Variants in CABCOCO1 observed in about 807,000 individuals in gnomAD.
The protein encoded by CABCOCO1 is ciliary-associated calcium-binding coiled-coil protein 1.
Under a neutral mutation model 35.7 loss-of-function variants are expected in CABCOCO1, and 28 were observed. The observed-to-expected ratio is 0.78, with a 90% CI of 0.58 to 1.07. CABCOCO1 has a LOEUF of 1.07. Ranked by LOEUF, CABCOCO1 falls within the 50% of genes least tolerant of loss-of-function variation. The pLI is 0.00. For missense variants in CABCOCO1, 326 were observed against 309.2 expected, an observed-to-expected ratio of 1.05 and a Z score of -0.41; for synonymous variants, 95 against 100.1, an observed-to-expected ratio of 0.95 and a Z score of 0.30.
At chr10:61,689,889 C>T (rs1414345883) in intron 4 of CABCOCO1, among the ~76,000 whole-genome samples, 2 of 151,996 alleles carry the variant, frequency 1.3e-5, no homozygotes, top group African/African-American at 4.8e-5. Context: ...TTTTAAGGAC[C>T]TCCTATCCTT....
chr10:61,698,484 A>C (rs796160800), intron 5 of CABCOCO1, among the ~76,000 whole-genome samples: 6 of 152,248 alleles, frequency 3.9e-5, no homozygotes, highest in African/African-American at 1.4e-4. Flanking sequence ...TATTTAAAGA[A>C]AATCATAAAT....
At chr10:61,669,345 A>G (rs1007036504) in intron 1 of CABCOCO1, among the ~76,000 whole-genome samples, 1 of 152,052 alleles carries the variant, frequency 6.6e-6, no homozygotes, top group Non-Finnish European at 1.5e-5. Context: ...CTTAAAATCC[A>G]CCAGGTGGTG....
chr10:61,707,597 CG>C (rs1048119722), intron 5 of CABCOCO1, among the ~76,000 whole-genome samples: 17 of 152,028 alleles, frequency 1.1e-4, no homozygotes, highest in African/African-American at 4.1e-4. Flanking sequence ...TAATCAGAGG[CG>C]TGAGATGCTT....
chr10:61,681,059 A>ATTTTCATT, intron 2 of CABCOCO1, 84 bp from the exon 3 acceptor site: 9 of 856,890 alleles, frequency 1.1e-5, no homozygotes, highest in Non-Finnish European at 1.4e-5. Flanking sequence ...GCATTAAAGA[A>ATTTTCATT]AAAGACCTGT....
chr10:61,686,153 A>G lies in CABCOCO1; in HGVS notation c.447A>G (p.Gln149=). 2 of 1,586,658 alleles carry G rather than the reference A, an allele frequency of 1.3e-6. No homozygotes were observed. Among genetic ancestry groups the G allele is most frequent in the South Asian group, 2.3e-5 (2 of 85,240 alleles). Residue 149 remains glutamine (Q), a synonymous_variant, in exon 4 of 8, where the codon CAA becomes CAG. Transcript: ENST00000648843. ...SEDWNIFDVK[Q]ANAIIDYLKI... is the part of the protein sequence containing the mutation. ...ACTGGAATATCTTTGATGTAAAACA[A>G]GCCAATGCTATCATTGATTACTTAA...
intron 5 of CABCOCO1, among the ~76,000 whole-genome samples, chr10:61,716,577 T>A (rs1412384715): frequency 6.6e-6 from 1 of 152,154 alleles, no homozygotes; most frequent in African/African-American, 2.4e-5. Flanking sequence ...ACCCCTAAAC[T>A]GAAAATAGCT....
At chr10:61,682,647 CTT>C (rs1564533816) in intron 3 of CABCOCO1, among the ~76,000 whole-genome samples, 1 of 152,144 alleles carries the variant, frequency 6.6e-6, no homozygotes, top group Non-Finnish European at 1.5e-5. Context: ...TGTAGATTAA[CTT>C]ATGCCAGTCA....
intron 5 of CABCOCO1, among the ~76,000 whole-genome samples, chr10:61,748,462 C>G (rs543119419): frequency 6.6e-6 from 1 of 152,114 alleles, no homozygotes; most frequent in African/African-American, 2.4e-5. Flanking sequence ...TTTCTACATG[C>G]CAGGCACTGT....
intron 2 of CABCOCO1, among the ~76,000 whole-genome samples, chr10:61,679,767 G>C (rs778929526): frequency 6.6e-5 from 10 of 152,056 alleles, no homozygotes; most frequent in Non-Finnish European, 1.0e-4. Context: ...AAACACATCA[G>C]AAAGATATAA....
intron 5 of CABCOCO1, among the ~76,000 whole-genome samples, chr10:61,724,591 C>T (rs1168530939): frequency 6.6e-6 from 1 of 152,116 alleles, no homozygotes; most frequent in Non-Finnish European, 1.5e-5. Flanking sequence ...TATGAGTGAA[C>T]ATTCATAATT....
chr10:61,746,451 A>G lies in CABCOCO1; in HGVS notation c.553-13608A>G, dbSNP rs551087883. On this transcript the variant is annotated intron_variant, in intron 5 of 7. Coordinates refer to ENST00000648843, the MANE Select transcript of CABCOCO1 (RefSeq NM_001366906.2). ...GAATGTTTATGAAAAAAACATGCTT[A>G]TATATTCTGAATGGCTGTAATCTAT... Among the ~76,000 whole-genome samples, 11 of 152,282 alleles carry G rather than the reference A, an allele frequency of 7.2e-5. No homozygotes were observed. The South Asian group carries it at 2.1e-3, about 29-fold the overall frequency.
chr10:61,718,760 TTATC>T (rs1840927520), intron 5 of CABCOCO1, among the ~76,000 whole-genome samples: 1 of 152,160 alleles, frequency 6.6e-6, no homozygotes, highest in Non-Finnish European at 1.5e-5. Context: ...CACCTTAAGT[TTATC>T]TAATGAAAGG....
At position 61,675,423 on chromosome 10, in the gene CABCOCO1, T is replaced by C. The variant is rs1162178602; in HGVS notation, c.164+2688T>C. ...TTCAAGTTAAAAGGGAAGAGACAAA[T>C]GGTATTAGGGAAAGTGGTGGAGGAA... On this transcript the variant is annotated intron_variant, in intron 2 of 7. Transcript: ENST00000648843. Among the ~76,000 whole-genome samples the C allele has an allele frequency of 3.3e-5, 5 of 151,882 alleles. No individual in the cohort carries two copies. The East Asian group carries it at 9.6e-4, about 29-fold the overall frequency.
At chr10:61,721,238 T>C (rs1438092029) in intron 5 of CABCOCO1, among the ~76,000 whole-genome samples, 1 of 152,082 alleles carries the variant, frequency 6.6e-6, no homozygotes, top group Non-Finnish European at 1.5e-5. Flanking sequence ...CTCTGCTTTT[T>C]CTAGAGGAGT....
chr10:61,738,867 T>G (rs1173777126), intron 5 of CABCOCO1, among the ~76,000 whole-genome samples: 1 of 152,242 alleles, frequency 6.6e-6, no homozygotes, highest in African/African-American at 2.4e-5. Flanking sequence ...ATTTAGAGAC[T>G]ATTACATGGA....
At chr10:61,737,886 A>G (rs935711942) in intron 5 of CABCOCO1, among the ~76,000 whole-genome samples, 3 of 152,082 alleles carry the variant, frequency 2.0e-5, no homozygotes, top group Non-Finnish European at 4.4e-5. Context: ...ATGTAATAAT[A>G]TGTACAACAA....
intron 5 of CABCOCO1, among the ~76,000 whole-genome samples, chr10:61,707,303 GC>G (rs1488576035): frequency 6.6e-6 from 1 of 152,198 alleles, no homozygotes; most frequent in Non-Finnish European, 1.5e-5. Flanking sequence ...TGTGGGTCCA[GC>G]ACTCAGGAGT....
chr10:61,704,769 G>T (rs1249584622), intron 5 of CABCOCO1, among the ~76,000 whole-genome samples: 1 of 150,468 alleles, frequency 6.6e-6, no homozygotes, highest in Admixed American at 6.6e-5. Flanking sequence ...TCTCTCTTTT[G>T]CCCCATATTT....
chr10:61,727,221 T>C (rs757674963), intron 5 of CABCOCO1, among the ~76,000 whole-genome samples: 2 of 152,042 alleles, frequency 1.3e-5, no homozygotes, highest in Non-Finnish European at 2.9e-5. Flanking sequence ...TTTATTGAAT[T>C]GAACCAATTA....
Sources: allele counts gnomAD v4.1 joint callset (sites outside exome capture counted in the v4.1 genomes callset), GRCh38; gene constraint gnomAD v4.1.1; transcripts MANE v1.5; gene names NCBI Gene and HGNC (gene_info 2026-07-23, HGNC 2026-07-21).